Variants in SMC6 observed in about 807,000 individuals in gnomAD.
The protein encoded by SMC6 is structural maintenance of chromosomes protein 6.
Under a neutral mutation model 142.2 loss-of-function variants are expected in SMC6, and 79 were observed. The observed-to-expected ratio is 0.56, with a 90% CI of 0.46 to 0.67. The LOEUF (loss-of-function observed/expected upper bound fraction) is 0.67. Ranked by LOEUF, SMC6 falls within the 30% of genes least tolerant of loss-of-function variation. The pLI is 0.00. For synonymous variants in SMC6, 411 were observed against 412.4 expected, an observed-to-expected ratio of 1.00 and a Z score of 0.04; for missense variants, 1,072 against 1,284.0, an observed-to-expected ratio of 0.83 and a Z score of 2.52.
At chr2:17,729,539 C>T (rs1400251748) in intron 7 of SMC6, among the ~76,000 whole-genome samples, 4 of 152,038 alleles carry the variant, frequency 2.6e-5, no homozygotes, top group Non-Finnish European at 5.9e-5. Context: ...TCCTTTCAAG[C>T]ACTTGCACAA....
intron 11 of SMC6, among the ~76,000 whole-genome samples, chr2:17,719,031 A>T (rs1171988364): frequency 2.0e-5 from 3 of 152,120 alleles, no homozygotes; most frequent in Non-Finnish European, 4.4e-5. Context: ...GGCAATAGGG[A>T]CTGATTAGAA....
chr2:17,691,949 T>C (rs995554121), intron 23 of SMC6, among the ~76,000 whole-genome samples: 2 of 152,282 alleles, frequency 1.3e-5, no homozygotes. Flanking sequence ...TGAACTCCCA[T>C]TCACAATTGC....
Position 17,670,504 on chromosome 2 carries a change from GA to G in SMC6, c.2981del (p.Phe994SerfsTer39). 1 of 1,608,580 alleles carries G rather than the reference GA, an allele frequency of 6.2e-7. No individual in the cohort carries two copies. The highest frequency in any genetic ancestry group is 8.5e-7 in the Non-Finnish European group (1 of 1,178,528). ...GGGAAAGAATAAAACACACTGTGGA[GA>G]AAGAACGTTCACCTCCAGACAAGGC... ...MRALSGGERSFSTVCFILSLW... is the reference protein window; with the variant it reads ...MRALSGGERSXSTVCFILSLW... On this transcript the variant is annotated frameshift_variant, in exon 26 of 28. Transcript: ENST00000448223. LOFTEE classifies it high-confidence loss of function.
At chr2:17,749,558 C>T (rs563306524) in intron 2 of SMC6, among the ~76,000 whole-genome samples, 118 of 152,108 alleles carry the variant, frequency 7.8e-4, no homozygotes, top group African/African-American at 2.4e-3. Context: ...CGTGGTGGCG[C>T]GCGCCTATAG....
chr2:17,747,661 T>A lies in SMC6; in HGVS notation c.-5-1710A>T, dbSNP rs988764777. Among the ~76,000 whole-genome samples, 5 of 152,240 alleles carry A rather than the reference T, an allele frequency of 3.3e-5. No individual in the cohort carries two copies. The South Asian group carries it at 1.0e-3, about 32-fold the overall frequency. Reference sequence around the variant, plus strand: ...GCTGGGATTAAGGTGCGTGCCACCATGCCCAGCTAATTTTTTATTTTTAGT... The same window carrying A: ...GCTGGGATTAAGGTGCGTGCCACCAAGCCCAGCTAATTTTTTATTTTTAGT... On this transcript the variant is annotated intron_variant, in intron 2 of 27. Coordinates refer to ENST00000448223, the MANE Select transcript of SMC6 (RefSeq NM_001142286.2).
rs1278258630 is a variant in SMC6, at chr2:17,674,163, CCCT to C, written c.2911-3591_2911-3589del. On this transcript the variant is annotated intron_variant, in intron 25 of 27. Transcript: ENST00000448223. ...TAGAACTTAGATCATTAATGTTCAG[CCCT>C]CCATTTTTACTAATGTATATATTTA... Among the ~76,000 whole-genome samples, 9 of 152,194 alleles carry C rather than the reference CCCT, an allele frequency of 5.9e-5. No homozygotes were observed. The East Asian group carries it at 1.7e-3, about 30-fold the overall frequency.
Position 17,663,965 on chromosome 2 carries a change from C to A in SMC6, c.*1534G>T, listed in dbSNP as rs182857130. The A allele has an allele frequency of 6.6e-6, 1 of 152,150 alleles. No individual in the cohort carries two copies. Among genetic ancestry groups the A allele is most frequent in the Non-Finnish European group, 1.5e-5 (1 of 68,002 alleles). 9.4% of individuals were successfully genotyped at this position (152,150 alleles called of 1,614,324 possible). A position where few individuals can be genotyped will look rare whatever the true frequency, so the allele number is the denominator to read the frequency against. On this transcript the variant is annotated 3_prime_UTR_variant, in exon 28 of 28. Transcript: ENST00000448223. Reference sequence around the variant, plus strand: ...TAGTTGAAATCAAAACTTTGTGAGGCCAAAGCAATGAATAATCTTCAATTC... The same window carrying A: ...TAGTTGAAATCAAAACTTTGTGAGGACAAAGCAATGAATAATCTTCAATTC...
chr2:17,695,256 T>C lies in SMC6; in HGVS notation c.2574A>G (p.Ile858Met). ...GAATTGATGCAGATTTTTCTACTTC[T>C]ATACGCTCTGGGCAGATTTGTCTTG... ...SQARQICPER[I>M]EVEKSASILD... is the part of the protein sequence containing the mutation. Residue 858 changes from isoleucine to methionine, a missense_variant, in exon 23 of 28, where the codon ATA becomes ATG. By Grantham distance (10) the Ile-to-Met change is conservative. Around this residue, in one of 3 missense-constraint regions of SMC6, gnomAD observed 994 missense variants for 1,153.2 expected, o/e 0.86. Transcript: ENST00000448223. 1.2e-6 allele frequency: 2 copies of C among 1,613,588 alleles called. No homozygotes were observed. Among genetic ancestry groups the C allele is most frequent in the Non-Finnish European group, 1.7e-6 (2 of 1,179,798 alleles).
chr2:17,745,400 T>C (rs766601728), intron 3 of SMC6, among the ~76,000 whole-genome samples: 8 of 152,222 alleles, frequency 5.3e-5, no homozygotes, highest in African/African-American at 9.6e-5. Context: ...AGATGATCTA[T>C]TTCGTACTGG....
intron 22 of SMC6, 49 bp from the exon 23 acceptor site, chr2:17,695,346 A>G (rs1394274646): frequency 1.3e-6 from 2 of 1,541,486 alleles, no homozygotes; most frequent in African/African-American, 2.8e-5. Context: ...TGATATAACA[A>G]TTCATTATAC....
At chr2:17,687,127 T>C (rs1667491494) in intron 23 of SMC6, among the ~76,000 whole-genome samples, 1 of 152,182 alleles carries the variant, frequency 6.6e-6, no homozygotes, top group Non-Finnish European at 1.5e-5. Context: ...ACACACCCTA[T>C]AGAGAAGGTT....
intron 25 of SMC6, among the ~76,000 whole-genome samples, chr2:17,672,818 C>T (rs1007309925): frequency 7.2e-5 from 11 of 152,146 alleles, no homozygotes; most frequent in African/African-American, 2.4e-4. Flanking sequence ...TTTGAATATA[C>T]CCGAATTTAT....
At chr2:17,683,558 T>C (rs1667323162) in intron 24 of SMC6, 80 bp downstream of exon 24, 4 of 1,279,806 alleles carry the variant, frequency 3.1e-6, no homozygotes, top group East Asian at 2.5e-5. Context: ...GTCTCTGCTA[T>C]AACAGAATTA....
Position 17,678,924 on chromosome 2 carries a change from G to GT in SMC6, c.2844dup (p.Leu949ThrfsTer13), listed in dbSNP as rs1353882984. Reference sequence around the variant, plus strand: ...TTTCCACAATAGGCCCGCTGAGATAGTAAGTTGTCAAAGTATAATTTGCAT... The same window carrying GT: ...TTTCCACAATAGGCCCGCTGAGATAGTTAAGTTGTCAAAGTATAATTTGCAT... On this transcript the variant is annotated frameshift_variant, in exon 25 of 28. Coordinates refer to ENST00000448223, the MANE Select transcript of SMC6 (RefSeq NM_001142286.2). LOFTEE classifies it high-confidence loss of function. 6.2e-7 allele frequency: 1 copy of GT among 1,609,152 alleles called. No homozygotes were observed. Among genetic ancestry groups the GT allele is most frequent in the African/African-American group, 1.3e-5 (1 of 74,620 alleles).
At chr2:17,690,842 G>A (rs1572270891) in intron 23 of SMC6, among the ~76,000 whole-genome samples, 1 of 151,742 alleles carries the variant, frequency 6.6e-6, no homozygotes, top group Non-Finnish European at 1.5e-5. Flanking sequence ...AATCTAAGAA[G>A]GCCACACGCT....
intron 23 of SMC6, among the ~76,000 whole-genome samples, chr2:17,690,064 A>C (rs1667633273): frequency 6.6e-6 from 1 of 152,202 alleles, no homozygotes; most frequent in Non-Finnish European, 1.5e-5. Flanking sequence ...ATCCACTAGG[A>C]TTAAAATTTC....
Position 17,718,231 on chromosome 2 carries a change from A to C in SMC6, c.946-8T>G. ...TGCCTCATTAAGTCTGACCTTTAAGAAAATAACATTATTGAAGTATATTTT... is the reference window on the plus strand; with the variant it reads ...TGCCTCATTAAGTCTGACCTTTAAGCAAATAACATTATTGAAGTATATTTT... On this transcript the variant is annotated splice_polypyrimidine_tract_variant and splice_region_variant and intron_variant, in intron 11 of 27. Transcript: ENST00000448223. 1 of 1,570,722 alleles carries C rather than the reference A, an allele frequency of 6.4e-7. No individual in the cohort carries two copies. The highest frequency in any genetic ancestry group is 8.6e-7 in the Non-Finnish European group (1 of 1,159,894).
intron 24 of SMC6, 48 bp from the exon 25 acceptor site, chr2:17,679,012 T>A (rs772523526): frequency 7.7e-7 from 1 of 1,295,112 alleles, no homozygotes; most frequent in Non-Finnish European, 1.1e-6. Context: ...AAAGGTTTTT[T>A]AAAAACTATA....
At chr2:17,714,143 A>G (rs1210237668) in intron 16 of SMC6, among the ~76,000 whole-genome samples, 1 of 147,832 alleles carries the variant, frequency 6.8e-6, no homozygotes, top group Non-Finnish European at 1.5e-5. Context: ...GCTGGAGTGC[A>G]GTGGCATGAC....
Sources: gnomAD v4.1 joint callset for allele counts (sites outside exome capture counted in the v4.1 genomes callset) on GRCh38, gnomAD v4.1.1 for gene constraint, gnomAD v4.1.1 regional missense constraint, MANE v1.5 for transcripts, NCBI Gene and HGNC (gene_info 2026-07-23, HGNC 2026-07-21) for gene names.